ADGRV1: variants seen among roughly 807,000 people sequenced by gnomAD.
The protein encoded by ADGRV1 is G-protein coupled receptor 98.
A neutral mutation model predicts 596.2 loss-of-function variants in ADGRV1; 359 were observed. The observed-to-expected ratio is 0.60, with a 90% CI of 0.55 to 0.66. ADGRV1 has a LOEUF of 0.66. Among genes scored for constraint, ADGRV1 ranks in the 30% least tolerant of loss-of-function variants. The pLI is 0.00. For missense variants in ADGRV1, 7,274 were observed against 7,575.6 expected, an observed-to-expected ratio of 0.96 and a Z score of 1.48; for synonymous variants, 2,681 against 2,679.2, an observed-to-expected ratio of 1.00 and a Z score of -0.02.
At chr5:90,667,816 T>G (rs900070916) in intron 21 of ADGRV1, among the ~76,000 whole-genome samples, 3 of 152,186 alleles carry the variant, frequency 2.0e-5, no homozygotes, top group African/African-American at 7.2e-5. Context: ...GTTTGTTAGT[T>G]TTCCTTCTAA....
chr5:91,103,057 G>T (rs978692588), intron 87 of ADGRV1, among the ~76,000 whole-genome samples: 4 of 152,058 alleles, frequency 2.6e-5, no homozygotes, highest in Admixed American at 2.6e-4. Context: ...CCTTCTTTTG[G>T]CTACCATCTT....
intron 87 of ADGRV1, among the ~76,000 whole-genome samples, chr5:91,147,372 T>G: frequency 6.6e-6 from 1 of 152,164 alleles, no homozygotes; most frequent in East Asian, 1.9e-4. Context: ...ACCATTGGTA[T>G]GGTTTGGTTC....
chr5:91,010,722 A>G (rs1232278571), intron 85 of ADGRV1, among the ~76,000 whole-genome samples: 1 of 151,972 alleles, frequency 6.6e-6, no homozygotes, highest in Non-Finnish European at 1.5e-5. Flanking sequence ...TTTGCATCCT[A>G]AGAATCACTT....
At position 90,826,857 on chromosome 5, in the gene ADGRV1, C is replaced by G. The variant is rs1023295866; in HGVS notation, c.16369-2087C>G. ...CATCTCTACAGTTTTTCAATACTTTCACTTTTGAATTATGAAGAATTTAAG... is the reference window on the plus strand; with the variant it reads ...CATCTCTACAGTTTTTCAATACTTTGACTTTTGAATTATGAAGAATTTAAG... On this transcript the variant is annotated intron_variant, in intron 76 of 89. Transcript: ENST00000405460. Among the ~76,000 whole-genome samples, 6 of 152,270 alleles carry G rather than the reference C, an allele frequency of 3.9e-5. No individual in the cohort carries two copies. In the South Asian group the frequency reaches 1.0e-3, roughly 26 times the overall value.
intron 89 of ADGRV1, among the ~76,000 whole-genome samples, chr5:91,155,222 A>G (rs13169196): frequency 0.13 from 20,535 of 152,270 alleles, 1,479 homozygotes; most frequent in East Asian, 0.25. Flanking sequence ...GAGATGAAAA[A>G]GTAACAAAAA....
chr5:90,677,108 C>T (rs1401289082), intron 25 of ADGRV1, among the ~76,000 whole-genome samples: 5 of 152,104 alleles, frequency 3.3e-5, no homozygotes, highest in African/African-American at 1.2e-4. Context: ...TTTATCAGGA[C>T]AGTCCCTTTC....
At chr5:91,057,587 C>T (rs901125801) in intron 85 of ADGRV1, among the ~76,000 whole-genome samples, 1 of 152,172 alleles carries the variant, frequency 6.6e-6, no homozygotes, top group African/African-American at 2.4e-5. Context: ...TATTTCACTG[C>T]CCTGAAATCC....
In ADGRV1 at chr5:90,706,310, A is replaced by G. The variant is rs1561563686; in HGVS notation, c.8646A>G (p.Pro2882=). 6.2e-7 allele frequency: 1 copy of G among 1,613,596 alleles called. No individual in the cohort carries two copies. The highest frequency in any genetic ancestry group is 2.2e-5 in the East Asian group (1 of 44,860). ...AAACAGTAGGAAACCTAGCAGAGCC[A>G]GAAGTTGATTTTGTCCCTATCATTG... is the stretch of plus-strand genomic sequence containing the variant. ...KNQTVGNLAE[P]EVDFVPIIGF... The change falls in exon 38 of 90, where the codon CCA becomes CCG. Residue 2882 remains proline, a synonymous_variant. Coordinates refer to ENST00000405460, the MANE Select transcript of ADGRV1 (RefSeq NM_032119.4).
chr5:90,773,789 C>A (rs1261564407), intron 59 of ADGRV1, among the ~76,000 whole-genome samples: 2 of 152,180 alleles, frequency 1.3e-5, no homozygotes, highest in Non-Finnish European at 2.9e-5. Flanking sequence ...CATCTCAGGG[C>A]TGTGGTTGCC....
At chr5:90,715,465 C>T (rs1301794791) in intron 42 of ADGRV1, among the ~76,000 whole-genome samples, 1 of 152,146 alleles carries the variant, frequency 6.6e-6, no homozygotes, top group African/African-American at 2.4e-5. Context: ...ATGCTGTCTT[C>T]AGGTAGAGAG....
Position 90,643,795 on chromosome 5 carries a change from C to A in ADGRV1, c.2554-8C>A. On this transcript the variant is annotated splice_polypyrimidine_tract_variant and splice_region_variant and intron_variant, in intron 13 of 89. Coordinates refer to ENST00000405460, the MANE Select transcript of ADGRV1 (RefSeq NM_032119.4). ...TATAATTTCCATACTTTGACACATT[C>A]ACTTTAGTTGGATGAACACTACTGG... 1 of 1,577,822 alleles carries A rather than the reference C, an allele frequency of 6.3e-7. No individual in the cohort carries two copies. Among genetic ancestry groups the A allele is most frequent in the South Asian group, 1.2e-5 (1 of 83,312 alleles).
intron 86 of ADGRV1, among the ~76,000 whole-genome samples, chr5:91,075,316 A>G (rs1788757328): frequency 1.3e-5 from 2 of 152,174 alleles, no homozygotes; most frequent in East Asian, 1.9e-4. Context: ...TGTTTTATAT[A>G]TAATGTAAAA....
chr5:90,693,936 A>G lies in ADGRV1; in HGVS notation c.7180A>G (p.Ile2394Val). The change falls in exon 33 of 90, where the codon ATT (isoleucine) becomes GTT (valine). Residue 2394 changes from isoleucine (I) to valine (V), a missense_variant. Around this residue, in one of 5 missense-constraint regions of ADGRV1, gnomAD observed 3,643 missense variants for 3,809.2 expected, o/e 0.96. Coordinates refer to ENST00000405460, the MANE Select transcript of ADGRV1 (RefSeq NM_032119.4). Reference protein sequence around the residue: ...RLLLFYSTSDIDVVALAMEEG... With the variant: ...RLLLFYSTSDVDVVALAMEEG... ...GTTGTTGTTCTACAGTACTTCCGAC[A>G]TTGATGTAGTGGCTCTGGCAATGGA... The G allele has an allele frequency of 1.3e-6, 2 of 1,598,490 alleles. No homozygotes were observed. Among genetic ancestry groups the G allele is most frequent in the Middle Eastern group, 1.7e-4 (1 of 5,964 alleles).
At chr5:90,936,063 G>A (rs973778736) in intron 83 of ADGRV1, among the ~76,000 whole-genome samples, 4 of 152,144 alleles carry the variant, frequency 2.6e-5, no homozygotes, top group Non-Finnish European at 4.4e-5. Context: ...CTGAAAATCT[G>A]CATTTGTAAT....
Position 90,863,116 on chromosome 5 carries a change from A to G in ADGRV1, c.17756-641A>G, listed in dbSNP as rs139605820. 5.6e-3 allele frequency among the ~76,000 whole-genome samples: 846 copies of G among 152,362 alleles called. 3 individuals are homozygous for G. The highest frequency in any genetic ancestry group is 0.019 in the African/African-American group (794 of 41,584). ...AAAAAGCAAATAGGTTATCATATGC[A>G]GCACATTTAAGTCTTAAAAGGCAGA... is the stretch of plus-strand genomic sequence containing the variant. On this transcript the variant is annotated intron_variant, in intron 82 of 89. Coordinates refer to ENST00000405460, the MANE Select transcript of ADGRV1 (RefSeq NM_032119.4).
At chr5:90,594,488 T>G (rs1759974540) in intron 1 of ADGRV1, among the ~76,000 whole-genome samples, 1 of 72,700 alleles carries the variant, frequency 1.4e-5, no homozygotes, top group Non-Finnish European at 3.3e-5. Context: ...GGCAGTTCTT[T>G]TTTTTTTTTT....
Position 90,852,345 on chromosome 5 carries a change from G to A in ADGRV1, c.17205-939G>A, listed in dbSNP as rs146373016. ...TTGACAAGATATCATGTAAATCTAC[G>A]ACGTAGTTGTACATACTCTACATCT... On this transcript the variant is annotated intron_variant, in intron 79 of 89. Coordinates refer to ENST00000405460, the MANE Select transcript of ADGRV1 (RefSeq NM_032119.4). Among the ~76,000 whole-genome samples, 1,247 of 152,166 alleles carry A rather than the reference G, an allele frequency of 8.2e-3. 8 individuals carry two copies. Among genetic ancestry groups the A allele is most frequent in the Non-Finnish European group, 0.011 (732 of 68,004 alleles).
At chr5:90,661,570 G>T (rs1401274902) in intron 21 of ADGRV1, among the ~76,000 whole-genome samples, 4 of 152,134 alleles carry the variant, frequency 2.6e-5, no homozygotes, top group Admixed American at 1.3e-4. Flanking sequence ...GCCAATTCAT[G>T]GTTCAGAATA....
chr5:90,648,519 G>C (rs909121816), intron 17 of ADGRV1, among the ~76,000 whole-genome samples: 1 of 151,910 alleles, frequency 6.6e-6, no homozygotes, highest in South Asian at 2.1e-4. Flanking sequence ...CGTTTGCATC[G>C]GGTCACCATG....
Sources: gnomAD v4.1 joint callset for allele counts (sites outside exome capture counted in the v4.1 genomes callset) on GRCh38, gnomAD v4.1.1 for gene constraint, gnomAD v4.1.1 regional missense constraint, MANE v1.5 for transcripts, NCBI Gene and HGNC (gene_info 2026-07-23, HGNC 2026-07-21) for gene names.